Variants in STC1 observed in about 807,000 individuals in gnomAD.
STC1 encodes the protein stanniocalcin-1.
A neutral mutation model predicts 22.6 loss-of-function variants in STC1; 7 were observed. The observed-to-expected ratio is 0.31, with a 90% CI of 0.18 to 0.58. The LOEUF (loss-of-function observed/expected upper bound fraction) is 0.58. Ranked by LOEUF, STC1 falls within the 20% of genes least tolerant of loss-of-function variation. The pLI, the probability that STC1 is intolerant of heterozygous loss-of-function variation, is 0.89. For synonymous variants in STC1, 113 were observed against 120.7 expected (o/e 0.94, Z 0.42); for missense variants, 224 against 311.0 (o/e 0.72, Z 2.10).
rs879545164 is a variant in STC1 at position 23,854,726 on chromosome 8, C to CGCT, written c.-206_-204dup. ...CCTCCGCTGCTGCTGCTGCTGCCGC[C>CGCT]GCTGCTGCTGCTGCTGCCACCGCCG... On this transcript the variant is annotated 5_prime_UTR_variant, in exon 1 of 4. Coordinates refer to ENST00000290271, the MANE Select transcript of STC1 (RefSeq NM_003155.3). The CGCT allele has an allele frequency of 2.6e-5, 17 of 656,664 alleles. No homozygotes were observed. The highest frequency in any genetic ancestry group is 1.7e-4 in the East Asian group (6 of 34,348). 40.7% of individuals were successfully genotyped at this position (656,664 alleles called of 1,614,324 possible). A position where few individuals can be genotyped will look rare whatever the true frequency, so the allele number is the denominator to read the frequency against.
intron 3 of STC1, among the ~76,000 whole-genome samples, chr8:23,846,622 G>T (rs1802576681): frequency 6.6e-6 from 1 of 152,210 alleles, no homozygotes; most frequent in African/African-American, 2.4e-5. Context: ...GTAATGAGGT[G>T]ATATGGTCAC....
chr8:23,853,750 G>C (rs1802665583), intron 1 of STC1, among the ~76,000 whole-genome samples: 1 of 152,146 alleles, frequency 6.6e-6, no homozygotes, highest in African/African-American at 2.4e-5. Flanking sequence ...TGGAGAAACA[G>C]CTGCTACGTT....
chr8:23,853,306 C>T (rs1250180081), intron 1 of STC1, among the ~76,000 whole-genome samples: 1 of 152,162 alleles, frequency 6.6e-6, no homozygotes, highest in Admixed American at 6.5e-5. Flanking sequence ...CCACCCCCTC[C>T]CACCACCCGC....
Position 23,844,190 on chromosome 8 carries a change from C to T in STC1, c.*580G>A, listed in dbSNP as rs1471215867. ...CTCAAAGTCTGGTTGGACAGCCAGG[C>T]TCAAGCAATTTGGTAAATGTGTCGG... On this transcript the variant is annotated 3_prime_UTR_variant, in exon 4 of 4. Coordinates refer to ENST00000290271, the MANE Select transcript of STC1 (RefSeq NM_003155.3). 1 of 153,926 alleles carries T rather than the reference C, an allele frequency of 6.5e-6. No individual in the cohort carries two copies. Among genetic ancestry groups the T allele is most frequent in the Admixed American group, 6.4e-5 (1 of 15,568 alleles). The allele number at this position is 153,926 out of a possible 1,614,324, so 9.5% of individuals were successfully genotyped here.
intron 1 of STC1, among the ~76,000 whole-genome samples, chr8:23,853,504 C>T (rs1304445080): frequency 6.6e-6 from 1 of 152,188 alleles, no homozygotes; most frequent in Non-Finnish European, 1.5e-5. Context: ...CTCCTCTCGG[C>T]AGGGACCTGT....
chr8:23,851,345 G>C lies in STC1; in HGVS notation c.448C>G (p.Gln150Glu). The change falls in exon 3 of 4, where the codon CAG (glutamine) becomes GAG (glutamate). Residue 150 changes from glutamine (Q) to glutamate (E), a missense_variant. Coordinates refer to ENST00000290271, the MANE Select transcript of STC1 (RefSeq NM_003155.3). ...CTGTTGGAGAAGTGATTGGGCAGCTGGACGACCTCAGTGATGGCTTCAGGG... is the reference window on the plus strand; with the variant it reads ...CTGTTGGAGAAGTGATTGGGCAGCTCGACGACCTCAGTGATGGCTTCAGGG... Reference protein sequence around the residue: ...RNPEAITEVVQLPNHFSNRYY... With the variant: ...RNPEAITEVVELPNHFSNRYY... The C allele has an allele frequency of 1.9e-6, 3 of 1,614,102 alleles. No homozygotes were observed. The highest frequency in any genetic ancestry group is 1.7e-6 in the Non-Finnish European group (2 of 1,180,008).
intron 3 of STC1, among the ~76,000 whole-genome samples, chr8:23,845,619 C>T (rs908035366): frequency 2.6e-5 from 4 of 152,044 alleles, no homozygotes; most frequent in African/African-American, 9.7e-5. Context: ...CTAAGGCCCC[C>T]TCTTCTGTGT....
Position 23,854,690 on chromosome 8 carries a change from T to C in STC1, c.-167A>G, listed in dbSNP as rs962706059. Reference sequence around the variant, plus strand: ...TTGTTGTTGCTGGTGATGCTGCTGCTGCCACCGGTGCCTCCGCTGCTGCTG... The same window carrying C: ...TTGTTGTTGCTGGTGATGCTGCTGCCGCCACCGGTGCCTCCGCTGCTGCTG... On this transcript the variant is annotated 5_prime_UTR_variant, in exon 1 of 4. Coordinates refer to ENST00000290271, the MANE Select transcript of STC1 (RefSeq NM_003155.3). 4 of 726,492 alleles carry C rather than the reference T, an allele frequency of 5.5e-6. No homozygotes were observed. The highest frequency in any genetic ancestry group is 7.5e-6 in the Non-Finnish European group (3 of 400,812). 45.0% of individuals were successfully genotyped at this position (726,492 alleles called of 1,614,324 possible).
At chr8:23,851,770 A>T (rs1368785684) in intron 2 of STC1, among the ~76,000 whole-genome samples, 1 of 152,132 alleles carries the variant, frequency 6.6e-6, no homozygotes, top group Non-Finnish European at 1.5e-5. Flanking sequence ...CAGAAAAAAA[A>T]GATGAACCGT....
intron 3 of STC1, among the ~76,000 whole-genome samples, chr8:23,849,988 G>A (rs571034921): frequency 4.3e-4 from 65 of 152,112 alleles, no homozygotes; most frequent in Admixed American, 1.4e-3. Context: ...GAAAATGGTT[G>A]GATTTTTCTG....
rs201108325 is a variant in STC1 at position 23,844,836 on chromosome 8, G to A, written c.678C>T (p.Leu226=). ...TNEPQKLKVL[L]RNLRGEEDSP... ...AGTCCTCCTCACCTCGGAGGTTCCT[G>A]AGGAGGACTTTCAGCTTCTGCGGCT... Residue 226 remains leucine, a synonymous_variant, in exon 4 of 4, where the codon CTC becomes CTT. Coordinates refer to ENST00000290271, the MANE Select transcript of STC1 (RefSeq NM_003155.3). 1.2e-6 allele frequency: 2 copies of A among 1,614,128 alleles called. No homozygotes were observed. The highest frequency in any genetic ancestry group is 1.7e-6 in the Non-Finnish European group (2 of 1,180,026).
At position 23,854,001 on chromosome 8, in the gene STC1, TAAG is replaced by T. The variant is rs1243131633; in HGVS notation, c.118+402_118+404del. On this transcript the variant is annotated intron_variant, in intron 1 of 3. Transcript: ENST00000290271. ...GTCAAGAAGTGAAGAGGTAGAGTCT[TAAG>T]AGGAAAGGAAGAGGGACAGCATCAA... The T allele has an allele frequency of 9.8e-6, 10 of 1,020,492 alleles. No homozygotes were observed. In the East Asian group the frequency reaches 7.4e-4, roughly 76 times the overall value. The allele number at this position is 1,020,492 out of a possible 1,614,324, so 63.2% of individuals were successfully genotyped here.
intron 1 of STC1, among the ~76,000 whole-genome samples, chr8:23,853,202 G>C (rs114523591): frequency 3.9e-5 from 6 of 152,184 alleles, no homozygotes; most frequent in Admixed American, 3.3e-4. Flanking sequence ...CAGAAGGGGG[G>C]TGTTCTGGCA....
chr8:23,848,705 C>CTT (rs563476206), intron 3 of STC1, among the ~76,000 whole-genome samples: 63 of 145,888 alleles, frequency 4.3e-4, no homozygotes, highest in Admixed American at 4.0e-3. Context: ...CATCCCTGAC[C>CTT]TTTTTTTTTT....
At position 23,854,625 on chromosome 8, in the gene STC1, C is replaced by CA; in HGVS notation, c.-103_-102insT. ...GAGTGAAGATGTGGATCTGGATACACTGAAAGCTTAGGTGAGGATTTGATG... is the reference window on the plus strand; with the variant it reads ...GAGTGAAGATGTGGATCTGGATACACATGAAAGCTTAGGTGAGGATTTGATG... On this transcript the variant is annotated 5_prime_UTR_variant, in exon 1 of 4. It adds an upstream start codon to the 5' untranslated region. Coordinates refer to ENST00000290271, the MANE Select transcript of STC1 (RefSeq NM_003155.3). 1 of 1,020,348 alleles carries CA rather than the reference C, an allele frequency of 9.8e-7. No individual in the cohort carries two copies. The highest frequency in any genetic ancestry group is 1.6e-6 in the Non-Finnish European group (1 of 644,666). The allele number at this position is 1,020,348 out of a possible 1,614,324, so 63.2% of individuals were successfully genotyped here. A position where few individuals can be genotyped will look rare whatever the true frequency, so the allele number is the denominator to read the frequency against.
chr8:23,852,184 G>A lies in STC1; in HGVS notation c.261+58C>T, dbSNP rs888010320. On this transcript the variant is annotated intron_variant, in intron 2 of 3. Transcript: ENST00000290271. Reference sequence around the variant, plus strand: ...ACAAGACTGGTTCCTAAGAACCATGGTCTAACACACTGTTAAAGACAAGCA... The same window carrying A: ...ACAAGACTGGTTCCTAAGAACCATGATCTAACACACTGTTAAAGACAAGCA... The A allele has an allele frequency of 2.5e-6, 4 of 1,609,460 alleles. No homozygotes were observed. In the African/African-American group the frequency reaches 5.3e-5, roughly 21 times the overall value.
intron 2 of STC1, among the ~76,000 whole-genome samples, 163 bp downstream of exon 2, chr8:23,852,079 T>TGC (rs1292741080): frequency 1.3e-5 from 2 of 151,976 alleles, no homozygotes; most frequent in Non-Finnish European, 2.9e-5. Context: ...TGTGTGTGTG[T>TGC]GTGCATGCAC....
At chr8:23,853,691 T>C (rs1802665100) in intron 1 of STC1, among the ~76,000 whole-genome samples, 1 of 152,166 alleles carries the variant, frequency 6.6e-6, no homozygotes, top group Admixed American at 6.5e-5. Context: ...GCCAAGATAA[T>C]GCACAATTAA....
chr8:23,844,829 G>T lies in STC1; in HGVS notation c.685C>A (p.Leu229Ile). Residue 229 changes from leucine to isoleucine, a missense_variant, in exon 4 of 4, where the codon CTC becomes ATC. Transcript: ENST00000290271. ...PQKLKVLLRN[L>I]RGEEDSPSHI... ...GAGGGAGAGTCCTCCTCACCTCGGA[G>T]GTTCCTGAGGAGGACTTTCAGCTTC... 6.2e-7 allele frequency: 1 copy of T among 1,614,090 alleles called. No homozygotes were observed. Among genetic ancestry groups the T allele is most frequent in the Non-Finnish European group, 8.5e-7 (1 of 1,180,010 alleles).
Sources: allele counts gnomAD v4.1 joint callset (sites outside exome capture counted in the v4.1 genomes callset), GRCh38; gene constraint gnomAD v4.1.1; transcripts MANE v1.5; gene names NCBI Gene and HGNC (gene_info 2026-07-23, HGNC 2026-07-21).